The following PRKN variants were observed in gnomAD, a reference collection of about 807,000 sequenced individuals.
The protein encoded by PRKN is E3 ubiquitin-protein ligase parkin.
A neutral mutation model predicts 59.5 loss-of-function variants in PRKN; 56 were observed. That is an observed-to-expected ratio of 0.94 (90% CI 0.76 to 1.18). The LOEUF is 1.18. Ranked by LOEUF, PRKN falls within the 50% of genes most tolerant of loss-of-function variation. The probability of loss-of-function intolerance (pLI) is 0.00; values close to 1 mark genes in which losing one functional copy is unlikely to be tolerated. For synonymous variants in PRKN, 250 were observed against 222.1 expected, an observed-to-expected ratio of 1.13 and a Z score of -1.12; for missense variants, 657 against 596.4, an observed-to-expected ratio of 1.10 and a Z score of -1.06.
chr6:162,284,215 CTT>C lies in PRKN; in HGVS notation c.172-21452_172-21451del, dbSNP rs35609309. ...TATTTATGTATTGTGTTATTTCTTTCTTTTTTTTTTTTTTTTTTTTTTTTTTG... is the reference window on the plus strand; with the variant it reads ...TATTTATGTATTGTGTTATTTCTTTCTTTTTTTTTTTTTTTTTTTTTTTTG... On this transcript the variant is annotated intron_variant, in intron 2 of 11. Transcript: ENST00000366898. Among the ~76,000 whole-genome samples the C allele has an allele frequency of 9.9e-3, 750 of 75,642 alleles. 20 individuals are homozygous for C. Among genetic ancestry groups the C allele is most frequent in the African/African-American group, 0.034 (711 of 20,814 alleles). The allele number at this position is 75,642 out of a possible 152,430, so 49.6% of individuals were successfully genotyped here. A position where few individuals can be genotyped will look rare whatever the true frequency, so the allele number is the denominator to read the frequency against.
intron 6 of PRKN, among the ~76,000 whole-genome samples, chr6:161,840,289 G>A (rs1792929789): frequency 6.6e-6 from 1 of 152,230 alleles, no homozygotes; most frequent in African/African-American, 2.4e-5. Flanking sequence ...GGCTGTTGTG[G>A]GGCCCTGCGT....
At chr6:162,142,533 T>C (rs1781832564) in intron 4 of PRKN, among the ~76,000 whole-genome samples, 1 of 152,154 alleles carries the variant, frequency 6.6e-6, no homozygotes, top group South Asian at 2.1e-4. Context: ...GCGCTATGTG[T>C]CTCCTAGCCG....
intron 7 of PRKN, among the ~76,000 whole-genome samples, chr6:161,574,298 G>T (rs897395215): frequency 3.3e-5 from 5 of 152,148 alleles, no homozygotes; most frequent in African/African-American, 1.2e-4. Flanking sequence ...AACGTTAGCG[G>T]AGGGGGCGGA....
At chr6:162,474,395 A>C (rs566733859) in intron 1 of PRKN, among the ~76,000 whole-genome samples, 1 of 152,254 alleles carries the variant, frequency 6.6e-6, no homozygotes, top group East Asian at 1.9e-4. Flanking sequence ...TTTTTTTAGA[A>C]ATCACTATAC....
At chr6:161,741,509 A>G (rs570210934) in intron 7 of PRKN, among the ~76,000 whole-genome samples, 4 of 152,242 alleles carry the variant, frequency 2.6e-5, no homozygotes, top group South Asian at 2.1e-4. Flanking sequence ...TGTGCCCTAG[A>G]GCATCACATC....
intron 7 of PRKN, among the ~76,000 whole-genome samples, chr6:161,681,381 C>A (rs4709537): frequency 0.28 from 42,890 of 151,884 alleles, 6,686 homozygotes; most frequent in Admixed American, 0.49. Flanking sequence ...AATACTTGAT[C>A]AGGAAAAATA....
In PRKN at chr6:161,466,012, A is replaced by G. The variant is rs932908151; in HGVS notation, c.1084-79135T>C. 3.9e-5 allele frequency among the ~76,000 whole-genome samples: 6 copies of G among 152,196 alleles called. No individual in the cohort carries two copies. Among genetic ancestry groups the G allele is most frequent in the African/African-American group, 1.4e-4 (6 of 41,446 alleles). On this transcript the variant is annotated intron_variant, in intron 9 of 11. Coordinates refer to ENST00000366898, the MANE Select transcript of PRKN (RefSeq NM_004562.3). This position sits in a 1 kb window ranked among gnomAD's most constrained non-coding sequence, Gnocchi z 5.0. ...ACTTGATATCTGTATACACTATGTA[A>G]TAATTACAATCAAATTAATCAACAC...
intron 6 of PRKN, among the ~76,000 whole-genome samples, chr6:161,817,005 C>CGCACAT (rs1199839367): frequency 3.3e-5 from 5 of 152,098 alleles, no homozygotes; most frequent in Non-Finnish European, 5.9e-5. Context: ...TACACACACA[C>CGCACAT]GCACATGCAC....
At position 161,874,153 on chromosome 6, in the gene PRKN, ATAT is replaced by A. The variant is rs1794499981; in HGVS notation, c.735-88248_735-88246del. Among the ~76,000 whole-genome samples, 3 of 59,198 alleles carry A rather than the reference ATAT, an allele frequency of 5.1e-5. 1 individual carries two copies. Among genetic ancestry groups the A allele is most frequent in the African/African-American group, 2.6e-4 (3 of 11,532 alleles). 38.8% of individuals were successfully genotyped at this position (59,198 alleles called of 152,430 possible). A position where few individuals can be genotyped will look rare whatever the true frequency, so the allele number is the denominator to read the frequency against. On this transcript the variant is annotated intron_variant, in intron 6 of 11. Coordinates refer to ENST00000366898, the MANE Select transcript of PRKN (RefSeq NM_004562.3). The stretch of plus-strand genomic sequence containing the variant: ...ATATATTATATGTAAAATATAATAT[ATAT>A]TATATATAATATATAATATATATTA...
intron 6 of PRKN, among the ~76,000 whole-genome samples, chr6:161,924,591 C>T (rs1043212235): frequency 9.2e-5 from 14 of 152,060 alleles, no homozygotes; most frequent in Admixed American, 4.6e-4. Context: ...TTCCCAAACT[C>T]GGCTGACAAT....
At chr6:161,794,729 C>T (rs1790769252) in intron 6 of PRKN, among the ~76,000 whole-genome samples, 1 of 152,112 alleles carries the variant, frequency 6.6e-6, no homozygotes, top group Non-Finnish European at 1.5e-5. Context: ...CAAGACTCCT[C>T]CTCTTAGTCC....
rs147156141 is a variant in PRKN, at chr6:161,576,985, T to C, written c.872-7569A>G. On this transcript the variant is annotated intron_variant, in intron 7 of 11. Coordinates refer to ENST00000366898, the MANE Select transcript of PRKN (RefSeq NM_004562.3). The surrounding 1 kb of genome is among the most constrained non-coding windows in gnomAD (Gnocchi z 4.6). Reference sequence around the variant, plus strand: ...TCGATGCACGCAAATATACTAAGAATATAAAATAATGCCTGCAAATGATAA... The same window carrying C: ...TCGATGCACGCAAATATACTAAGAACATAAAATAATGCCTGCAAATGATAA... Among the ~76,000 whole-genome samples, 1 of 152,276 alleles carries C rather than the reference T, an allele frequency of 6.6e-6. No individual in the cohort carries two copies. The highest frequency in any genetic ancestry group is 1.5e-5 in the Non-Finnish European group (1 of 68,016).
intron 7 of PRKN, among the ~76,000 whole-genome samples, chr6:161,624,549 CA>C (rs1562566239): frequency 6.6e-6 from 1 of 152,124 alleles, no homozygotes; most frequent in Non-Finnish European, 1.5e-5. Flanking sequence ...AAGGCAACAA[CA>C]ACAAAAAAAC....
At chr6:162,331,532 C>T (rs561006924) in intron 2 of PRKN, among the ~76,000 whole-genome samples, 3 of 152,288 alleles carry the variant, frequency 2.0e-5, no homozygotes, top group Admixed American at 6.5e-5. Flanking sequence ...TCCTACTTAT[C>T]CTTGGTTACT....
In PRKN at chr6:161,473,772, T is replaced by C. The variant is rs115335942; in HGVS notation, c.1083+75082A>G. ...CATGAAGATGATAAGTATGTTAATT[T>C]GCTTGAGTATAGTAACCACTTCACT... On this transcript the variant is annotated intron_variant, in intron 9 of 11. Coordinates refer to ENST00000366898, the MANE Select transcript of PRKN (RefSeq NM_004562.3). This position sits in a 1 kb window ranked among gnomAD's most constrained non-coding sequence, Gnocchi z 4.1. Among the ~76,000 whole-genome samples, 1,607 of 152,326 alleles carry C rather than the reference T, an allele frequency of 0.011. 10 individuals are homozygous for C. The highest frequency in any genetic ancestry group is 0.034 in the Middle Eastern group (10 of 294).
At chr6:162,054,247 T>C in intron 4 of PRKN, 73 bp from the exon 5 acceptor site, 1 of 928,780 alleles carries the variant, frequency 1.1e-6, no homozygotes, top group Non-Finnish European at 1.8e-6. Context: ...ATGTTTCCAC[T>C]TATGTTATAA....
At chr6:162,112,486 G>A (rs1308314279) in intron 4 of PRKN, among the ~76,000 whole-genome samples, 1 of 151,842 alleles carries the variant, frequency 6.6e-6, no homozygotes, top group Non-Finnish European at 1.5e-5. Flanking sequence ...TTACTTTTTT[G>A]CTTTATTTGG....
chr6:162,639,662 C>A (rs539357853), intron 1 of PRKN, among the ~76,000 whole-genome samples: 1 of 133,684 alleles, frequency 7.5e-6, no homozygotes, highest in Non-Finnish European at 1.6e-5. Context: ...CTACACTGAA[C>A]GGAAAAACAC....
At position 161,545,139 on chromosome 6, in the gene PRKN, A is replaced by AC; in HGVS notation, c.1083+3714_1083+3715insG. On this transcript the variant is annotated intron_variant, in intron 9 of 11. Transcript: ENST00000366898. This position sits in a 1 kb window ranked among gnomAD's most constrained non-coding sequence, Gnocchi z 4.1. ...TTGGTTTTCAACTTTTTTATACGCGATTTTTTTTGTAACAGCTAACATTTC... is the reference window on the plus strand; with the variant it reads ...TTGGTTTTCAACTTTTTTATACGCGACTTTTTTTTGTAACAGCTAACATTTC... 7.8e-7 allele frequency: 1 copy of AC among 1,285,144 alleles called. No individual in the cohort carries two copies. Among genetic ancestry groups the AC allele is most frequent in the Non-Finnish European group, 9.8e-7 (1 of 1,017,466 alleles). The allele number at this position is 1,285,144 out of a possible 1,614,324, so 79.6% of individuals were successfully genotyped here. A position where few individuals can be genotyped will look rare whatever the true frequency, so the allele number is the denominator to read the frequency against.
Sources: gnomAD v4.1 joint callset for allele counts (sites outside exome capture counted in the v4.1 genomes callset) on GRCh38, gnomAD v4.1.1 for gene constraint, Gnocchi (gnomAD v3.1) non-coding constraint, MANE v1.5 for transcripts, NCBI Gene and HGNC (gene_info 2026-07-23, HGNC 2026-07-21) for gene names.